The following CTNNA3 variants were observed in gnomAD, a reference collection of about 807,000 sequenced individuals.
CTNNA3 encodes catenin alpha 3.
A neutral mutation model predicts 95.7 loss-of-function variants in CTNNA3; 76 were observed. That is an observed-to-expected ratio of 0.79 (90% confidence interval 0.66 to 0.96). CTNNA3 has a LOEUF of 0.96. CTNNA3 is among the 40% of genes least tolerant of loss of function. CTNNA3 has a pLI of 0.00. For synonymous variants in CTNNA3, 431 were observed against 374.4 expected (o/e 1.15, Z -1.74); for missense variants, 1,191 against 1,089.8 (o/e 1.09, Z -1.31).
At chr10:66,383,274 A>G (rs2092857366) in intron 11 of CTNNA3, among the ~76,000 whole-genome samples, 1 of 152,210 alleles carries the variant, frequency 6.6e-6, no homozygotes, top group African/African-American at 2.4e-5. Flanking sequence ...GCTGAAAACC[A>G]TGGCACAAGA....
chr10:67,288,628 C>T (rs1440271377), intron 5 of CTNNA3, among the ~76,000 whole-genome samples: 1 of 152,182 alleles, frequency 6.6e-6, no homozygotes, highest in African/African-American at 2.4e-5. Context: ...TAAAACTACA[C>T]TGAAGCTACA....
intron 9 of CTNNA3, among the ~76,000 whole-genome samples, chr10:66,634,747 T>C (rs1463381180): frequency 6.6e-6 from 1 of 152,066 alleles, no homozygotes; most frequent in African/African-American, 2.4e-5. Flanking sequence ...CTCAAATAAG[T>C]CATTAAAGAT....
intron 1 of CTNNA3, among the ~76,000 whole-genome samples, chr10:67,686,646 C>T (rs1840737125): frequency 2.0e-5 from 3 of 152,084 alleles, no homozygotes; most frequent in Non-Finnish European, 2.9e-5. Context: ...TTTTGATAGC[C>T]TCTGACACTA....
chr10:66,989,824 T>G (rs578230011), intron 7 of CTNNA3, among the ~76,000 whole-genome samples: 5 of 152,274 alleles, frequency 3.3e-5, no homozygotes, highest in Non-Finnish European at 7.4e-5. Flanking sequence ...ACTTGAGTGC[T>G]TTTATTATCC....
At chr10:67,527,836 T>C (rs1262336632) in intron 4 of CTNNA3, among the ~76,000 whole-genome samples, 1 of 152,178 alleles carries the variant, frequency 6.6e-6, no homozygotes, top group Non-Finnish European at 1.5e-5. Flanking sequence ...TGCTTGTTGA[T>C]TTTCTGGAAG....
chr10:66,343,661 T>TA (rs987426881), intron 12 of CTNNA3, among the ~76,000 whole-genome samples: 6 of 151,982 alleles, frequency 3.9e-5, no homozygotes, highest in African/African-American at 1.2e-4. Flanking sequence ...TAGTGCTCTA[T>TA]ACCACTCTAG....
At position 66,223,062 on chromosome 10, in the gene CTNNA3, A is replaced by AAAAC. The variant is rs564117625; in HGVS notation, c.1884+57404_1884+57407dup. On this transcript the variant is annotated intron_variant, in intron 13 of 17. Transcript: ENST00000433211. ...TCTAAGCTCTAAGATACAAAAACCAAAAACAAACAAACAAACAGAAAACCT... is the reference window on the plus strand; with the variant it reads ...TCTAAGCTCTAAGATACAAAAACCAAAAACAAACAAACAAACAAACAGAAAACCT... 2.0e-5 allele frequency among the ~76,000 whole-genome samples: 3 copies of AAAAC among 152,216 alleles called. No individual in the cohort carries two copies. In the East Asian group the frequency reaches 5.8e-4, roughly 29 times the overall value.
chr10:67,078,759 G>T (rs2131871370), intron 7 of CTNNA3, among the ~76,000 whole-genome samples: 2 of 152,136 alleles, frequency 1.3e-5, no homozygotes, highest in East Asian at 3.9e-4. Flanking sequence ...CTTGTGATCT[G>T]CCCACCTCGG....
At chr10:66,845,729 A>AAAAAAAC (rs1297933220) in intron 7 of CTNNA3, among the ~76,000 whole-genome samples, 4,227 of 86,958 alleles carry the variant, frequency 0.049, 490 homozygotes, top group Non-Finnish European at 0.083. Flanking sequence ...AAAAAAAAAA[A>AAAAAAAC]CTAAAAAGGT....
intron 7 of CTNNA3, among the ~76,000 whole-genome samples, chr10:66,995,765 C>CTTTA (rs1243489413): frequency 1.3e-5 from 2 of 152,142 alleles, no homozygotes; most frequent in African/African-American, 4.8e-5. Flanking sequence ...CCCTACTTGC[C>CTTTA]TTTAACCTGA....
intron 13 of CTNNA3, among the ~76,000 whole-genome samples, chr10:66,116,918 G>A (rs1038808510): frequency 2.0e-5 from 3 of 152,086 alleles, no homozygotes; most frequent in African/African-American, 7.2e-5. Context: ...GGGGAAGTCC[G>A]CACACACGAT....
chr10:66,789,160 C>T (rs4430402), intron 7 of CTNNA3, among the ~76,000 whole-genome samples: 68,695 of 140,472 alleles, frequency 0.49, 16,147 homozygotes, highest in Admixed American at 0.54. Flanking sequence ...GCTTACTAAA[C>T]CTTTTTTTTG....
intron 15 of CTNNA3, among the ~76,000 whole-genome samples, chr10:66,022,464 T>TTCAAG (rs2079238917): frequency 6.6e-6 from 1 of 152,148 alleles, no homozygotes; most frequent in Non-Finnish European, 1.5e-5. Context: ...AAGAAAAGAA[T>TTCAAG]TCACTGTTCC....
At chr10:66,136,812 A>G (rs2083380364) in intron 13 of CTNNA3, among the ~76,000 whole-genome samples, 1 of 151,986 alleles carries the variant, frequency 6.6e-6, no homozygotes, top group Admixed American at 6.6e-5. Flanking sequence ...AATACTTATT[A>G]TTTGTGAGTT....
chr10:67,529,303 A>G, intron 4 of CTNNA3, among the ~76,000 whole-genome samples: 1 of 152,138 alleles, frequency 6.6e-6, no homozygotes, highest in East Asian at 1.9e-4. Context: ...TAGAATCAGA[A>G]TGTTCCTAAC....
At chr10:67,456,306 G>GTCCA (rs748512425) in intron 5 of CTNNA3, among the ~76,000 whole-genome samples, 3 of 152,102 alleles carry the variant, frequency 2.0e-5, no homozygotes, top group Non-Finnish European at 4.4e-5. Context: ...TTATATGTTA[G>GTCCA]TCCATTTAGT....
intron 7 of CTNNA3, among the ~76,000 whole-genome samples, chr10:66,903,313 G>A (rs745995003): frequency 1.3e-5 from 2 of 152,058 alleles, no homozygotes; most frequent in Non-Finnish European, 2.9e-5. Context: ...AAAGGCCTTC[G>A]ACAAAATTCA....
chr10:67,664,843 C>T (rs896802462), intron 1 of CTNNA3, among the ~76,000 whole-genome samples: 3 of 152,122 alleles, frequency 2.0e-5, no homozygotes, highest in African/African-American at 2.4e-5. Flanking sequence ...ACACAAGTAT[C>T]AAAAATCATG....
chr10:66,707,277 A>G (rs1848148446), intron 9 of CTNNA3, among the ~76,000 whole-genome samples: 1 of 152,032 alleles, frequency 6.6e-6, no homozygotes, highest in Non-Finnish European at 1.5e-5. Flanking sequence ...TTTAGCCTAC[A>G]CCCACTTTGT....
Sources: gnomAD v4.1 joint callset for allele counts (sites outside exome capture counted in the v4.1 genomes callset) on GRCh38, gnomAD v4.1.1 for gene constraint, MANE v1.5 for transcripts, NCBI Gene and HGNC (gene_info 2026-07-23, HGNC 2026-07-21) for gene names.